Variants in PIGA observed in about 807,000 individuals in gnomAD.
The protein encoded by PIGA is phosphatidylinositol glycan anchor biosynthesis class A, also known as phosphatidylinositol N-acetylglucosaminyltransferase subunit A.
In PIGA, 3 loss-of-function variants were observed where a neutral mutation model predicts 17.1. The observed-to-expected ratio is 0.18, with a 90% CI of 0.08 to 0.45. The LOEUF is 0.45. PIGA is among the 20% of genes least tolerant of loss of function. The pLI is 0.99. For missense variants in PIGA, 231 were observed against 374.1 expected (o/e 0.62, Z 3.16); for synonymous variants, 126 against 135.1 (o/e 0.93, Z 0.47).
Position 15,321,588 on chromosome X carries a change from G to C in PIGA, c.1373C>G (p.Thr458Ser), listed in dbSNP as rs1179561045. The part of the protein sequence containing the change: ...DSIIDVAIDA[T>S]GPRGAWTNNY... Reference sequence around the variant, plus strand: ...ATTAGTCCAGGCACCCCGTGGCCCAGTGGCATCTATTGCAACATCAATGAT... The same window carrying C: ...ATTAGTCCAGGCACCCCGTGGCCCACTGGCATCTATTGCAACATCAATGAT... The change falls in exon 6 of 6, where the codon ACT becomes AGT. Residue 458 changes from threonine (T) to serine (S), a missense_variant. Physicochemically the swap from Thr to Ser is moderately conservative, Grantham distance 58. Around this residue, in one of 5 missense-constraint regions of PIGA, gnomAD observed 88 missense variants for 100.5 expected, o/e 0.88. Coordinates refer to ENST00000333590, the MANE Select transcript of PIGA (RefSeq NM_002641.4). 8.3e-7 allele frequency: 1 copy of C among 1,204,426 alleles called. No homozygotes were observed. Among genetic ancestry groups the C allele is most frequent in the Non-Finnish European group, 1.1e-6 (1 of 889,838 alleles).
At chrX:15,330,966 C>T (rs905023157) in intron 2 of PIGA, 5 of 281,083 alleles carry the variant, frequency 1.8e-5, no homozygotes, top group African/African-American at 2.7e-5. Flanking sequence ...TGAAATTTAA[C>T]AGCATCAGGT....
At chrX:15,324,010 T>C in intron 5 of PIGA, among the ~76,000 whole-genome samples, 1 of 112,265 alleles carries the variant, frequency 8.9e-6, no homozygotes, top group East Asian at 2.8e-4. Context: ...CTAATTCAAA[T>C]TCAGGAAGCA....
rs773426413 is a variant in PIGA at position 15,330,429 on chromosome X, A to C, written c.715+787T>G. On this transcript the variant is annotated intron_variant, in intron 2 of 5. Transcript: ENST00000333590. ...TTCAGTATATGTACGTACACATAAA[A>C]AAGACAGGAAAGCTATAAATCAAAA... is the stretch of plus-strand genomic sequence containing the variant. Among the ~76,000 whole-genome samples, 3 of 112,606 alleles carry C rather than the reference A, an allele frequency of 2.7e-5. No homozygotes were observed. In the South Asian group the frequency reaches 1.1e-3, roughly 41 times the overall value.
At chrX:15,325,818 C>T in intron 3 of PIGA, 96 bp downstream of exon 3, 1 of 620,554 alleles carries the variant, frequency 1.6e-6, no homozygotes, top group Non-Finnish European at 2.4e-6. Flanking sequence ...CAATTACATG[C>T]AGGAGAAGCA....
intron 1 of PIGA, 133 bp downstream of exon 1, chrX:15,335,368 C>T: frequency 1.7e-6 from 1 of 572,921 alleles, no homozygotes; most frequent in Non-Finnish European, 2.4e-6. Flanking sequence ...GGAGACCCTC[C>T]GACCCAACTT....
chrX:15,329,976 T>A (rs1922103548), intron 2 of PIGA, among the ~76,000 whole-genome samples: 1 of 110,635 alleles, frequency 9.0e-6, no homozygotes, highest in Non-Finnish European at 1.9e-5. Flanking sequence ...TCCCAGCTAC[T>A]TGGGAGGCTG....
intron 5 of PIGA, among the ~76,000 whole-genome samples, chrX:15,323,887 A>G (rs1171992229): frequency 8.9e-6 from 1 of 111,900 alleles, no homozygotes; most frequent in African/African-American, 3.3e-5. Context: ...CAATTTCTAC[A>G]TACTAAGAAG....
chrX:15,321,849 T>A, intron 5 of PIGA, 77 bp from the exon 6 acceptor site: 2 of 931,990 alleles, frequency 2.1e-6, no homozygotes. Context: ...AATGACCCGA[T>A]CCTGCAGGAA....
At chrX:15,322,248 C>T (rs754263497) in intron 5 of PIGA, among the ~76,000 whole-genome samples, 12 of 111,666 alleles carry the variant, frequency 1.1e-4, no homozygotes, top group Non-Finnish European at 2.3e-4. Flanking sequence ...CAACCACAAG[C>T]AGAGAGCTAC....
At position 15,331,689 on chromosome X, in the gene PIGA, C is replaced by T. The variant is rs1922162801; in HGVS notation, c.242G>A (p.Arg81His). ...THAYGNRKGIRYLTSGLKVYY... is the reference protein window; with the variant it reads ...THAYGNRKGIHYLTSGLKVYY... ...GACTTTGAGGCCACTGGTGAGGTAA[C>T]GGATGCCTTTTCGATTTCCATAAGC... Residue 81 changes from arginine (R) to histidine (H), a missense_variant, in exon 2 of 6, where the codon CGT becomes CAT. Around this residue, in one of 5 missense-constraint regions of PIGA, gnomAD observed 29 missense variants for 36.6 expected, o/e 0.79. Transcript: ENST00000333590. 1 of 1,211,808 alleles carries T rather than the reference C, an allele frequency of 8.3e-7. No homozygotes were observed. The highest frequency in any genetic ancestry group is 1.1e-6 in the Non-Finnish European group (1 of 895,304).
At chrX:15,334,185 CTTTTTTTTTTT>C (rs35688150) in intron 1 of PIGA, among the ~76,000 whole-genome samples, 1 of 62,944 alleles carries the variant, frequency 1.6e-5, no homozygotes, top group East Asian at 4.5e-4. Context: ...AATTCATCTA[CTTTTTTTTTTT>C]TTTTTTTTTT....
In PIGA at chrX:15,325,109, C is replaced by T; in HGVS notation, c.892G>A (p.Val298Ile). Residue 298 changes from valine to isoleucine, a missense_variant, in exon 4 of 6, where the codon GTC (valine) becomes ATC (isoleucine). Around this residue, in one of 5 missense-constraint regions of PIGA, gnomAD observed 83 missense variants for 190.1 expected, o/e 0.44. Coordinates refer to ENST00000333590, the MANE Select transcript of PIGA (RefSeq NM_002641.4). ...AGAAAAATATGTCCTTGAACTAAGA[C>T]ATTTCTAACATCCTTGTGTTCTAAA... ...GALEHKDVRNVLVQGHIFLNT... is the reference protein window; with the variant it reads ...GALEHKDVRNILVQGHIFLNT... The T allele has an allele frequency of 8.3e-7, 1 of 1,203,944 alleles. No homozygotes were observed. Among genetic ancestry groups the T allele is most frequent in the Non-Finnish European group, 1.1e-6 (1 of 891,200 alleles).
Position 15,321,770 on chromosome X carries a change from T to C in PIGA, c.1191A>G (p.Val397=), listed in dbSNP as rs775805589. 7 of 1,207,124 alleles carry C rather than the reference T, an allele frequency of 5.8e-6. No individual in the cohort carries two copies. Among genetic ancestry groups the C allele is most frequent in the Non-Finnish European group, 6.7e-6 (6 of 892,646 alleles). ...CAGCTTCCACTGATACCCGGTCATA[T>C]ACCTGGAGGGAGAGAAGCCAAGTGT... ...WRNVAERTEK[V]YDRVSVEAVL... is the part of the protein sequence containing the mutation. The change falls in exon 6 of 6, where the codon GTA becomes GTG. Residue 397 remains valine (V), a splice_region_variant and synonymous_variant. Coordinates refer to ENST00000333590, the MANE Select transcript of PIGA (RefSeq NM_002641.4).
rs985880836 is a variant in PIGA at position 15,335,513 on chromosome X, T to A, written c.-75A>T. 1.0e-6 allele frequency: 1 copy of A among 977,329 alleles called. No homozygotes were observed. The highest frequency in any genetic ancestry group is 1.3e-6 in the Non-Finnish European group (1 of 776,462). 80.5% of individuals were successfully genotyped at this position (977,329 alleles called of 1,213,427 possible). On this transcript the variant is annotated 5_prime_UTR_variant, in exon 1 of 6. It removes an upstream start codon present in the reference 5' UTR. Coordinates refer to ENST00000333590, the MANE Select transcript of PIGA (RefSeq NM_002641.4). Reference sequence around the variant, plus strand: ...GACGCGCACTCACCGGTGAGTTCCATGGCCGCCAGTGTCCGGACCTCCCGC... The same window carrying A: ...GACGCGCACTCACCGGTGAGTTCCAAGGCCGCCAGTGTCCGGACCTCCCGC...
At chrX:15,332,793 G>A (rs1355847574) in intron 1 of PIGA, among the ~76,000 whole-genome samples, 1 of 111,672 alleles carries the variant, frequency 9.0e-6, no homozygotes, top group African/African-American at 3.3e-5. Flanking sequence ...AGGGACAAGG[G>A]AAGAGATAAT....
chrX:15,326,131 GA>G (rs1209405193), intron 2 of PIGA, 85 bp from the exon 3 acceptor site: 25 of 635,809 alleles, frequency 3.9e-5, no homozygotes, highest in Non-Finnish European at 4.3e-5. Flanking sequence ...CACTTATTTT[GA>G]AAAGTATTAG....
At chrX:15,335,320 C>T (rs1922303368) in intron 1 of PIGA, 181 bp downstream of exon 1, 4 of 372,160 alleles carry the variant, frequency 1.1e-5, no homozygotes, top group Middle Eastern at 8.2e-4. Context: ...GAACCCAGCG[C>T]GTCCGCCCTA....
rs143032312 is a variant in PIGA, at chrX:15,330,146, T to C, written c.715+1070A>G. ...AGTGGACAGTTACAAACTAGGCTAA[T>C]AGTTTATAGGAACTATCACTGAACC... On this transcript the variant is annotated intron_variant, in intron 2 of 5. Transcript: ENST00000333590. 2.5e-3 allele frequency among the ~76,000 whole-genome samples: 273 copies of C among 111,289 alleles called. 2 individuals carry two copies. Among genetic ancestry groups the C allele is most frequent in the African/African-American group, 8.3e-3 (256 of 30,659 alleles).
At chrX:15,332,555 G>T (rs780494627) in intron 1 of PIGA, among the ~76,000 whole-genome samples, 64 of 112,454 alleles carry the variant, frequency 5.7e-4, no homozygotes, top group Non-Finnish European at 1.2e-3. Flanking sequence ...CAATGTAGCA[G>T]TCTGATTCAT....
Sources: allele counts gnomAD v4.1 joint callset (sites outside exome capture counted in the v4.1 genomes callset), GRCh38; gene constraint gnomAD v4.1.1; regional missense constraint gnomAD v4.1.1; transcripts MANE v1.5; gene names NCBI Gene and HGNC (gene_info 2026-07-23, HGNC 2026-07-21).